The following OGFOD1 variants were observed in gnomAD, a reference collection of about 807,000 sequenced individuals.
OGFOD1 encodes the protein 2-oxoglutarate and iron dependent oxygenase domain containing 1.
A neutral mutation model predicts 67.7 loss-of-function variants in OGFOD1; 54 were observed. The ratio of observed to expected loss-of-function variants is 0.80; its 90% confidence interval spans 0.64 to 1.00. The LOEUF (loss-of-function observed/expected upper bound fraction) is 1.00, where lower values mean the gene tolerates loss of function less well. Ranked by LOEUF, OGFOD1 falls within the 50% of genes least tolerant of loss-of-function variation. The pLI, the probability that OGFOD1 is intolerant of heterozygous loss-of-function variation, is 0.00. For missense variants in OGFOD1, 606 were observed against 646.7 expected, an observed-to-expected ratio of 0.94 and a Z score of 0.68; for synonymous variants, 221 against 227.0, an observed-to-expected ratio of 0.97 and a Z score of 0.24.
chr16:56,451,830 GGGACTCGCGCCCAGCCTT>G, intron 1 of OGFOD1, 64 bp downstream of exon 1: 1 of 1,564,092 alleles, frequency 6.4e-7, no homozygotes. Flanking sequence ...AAAAAGCCCT[GGGACTCGCGCCCAGCCTT>G]GGGCAGCGGG....
At chr16:56,459,130 C>T (rs557061824) in intron 3 of OGFOD1, among the ~76,000 whole-genome samples, 2 of 152,244 alleles carry the variant, frequency 1.3e-5, no homozygotes, top group African/African-American at 4.8e-5. Flanking sequence ...CACCTGAGGT[C>T]AGGAGTTCAA....
At chr16:56,475,373 A>G (rs945244970) in intron 11 of OGFOD1, 134 bp from the exon 12 acceptor site, 2 of 814,894 alleles carry the variant, frequency 2.5e-6, no homozygotes, top group East Asian at 4.9e-5. Context: ...GTTCAAGCTC[A>G]TAAGTCATAG....
chr16:56,475,938 C>T lies in OGFOD1; in HGVS notation c.1468-106C>T, dbSNP rs779723881. On this transcript the variant is annotated intron_variant, in intron 12 of 12. Transcript: ENST00000566157. Reference sequence around the variant, plus strand: ...TGTTCATTCAGAGGACCCCTCTATCCCCAGATTAAGTGCTTGATATGGAAA... The same window carrying T: ...TGTTCATTCAGAGGACCCCTCTATCTCCAGATTAAGTGCTTGATATGGAAA... 8 of 1,039,874 alleles carry T rather than the reference C, an allele frequency of 7.7e-6. 1 individual carries two copies. Among genetic ancestry groups the T allele is most frequent in the Non-Finnish European group, 1.1e-5 (8 of 711,982 alleles). The allele number at this position is 1,039,874 out of a possible 1,614,324, so 64.4% of individuals were successfully genotyped here. A position where few individuals can be genotyped will look rare whatever the true frequency, so the allele number is the denominator to read the frequency against.
chr16:56,462,806 A>C (rs577530321), intron 4 of OGFOD1, among the ~76,000 whole-genome samples, 172 bp downstream of exon 4: 1 of 152,352 alleles, frequency 6.6e-6, no homozygotes, highest in African/African-American at 2.4e-5. Flanking sequence ...ATTGGAAGGC[A>C]TAAGCAGTGG....
chr16:56,467,108 A>C, intron 6 of OGFOD1, 57 bp from the exon 7 acceptor site: 1 of 1,610,952 alleles, frequency 6.2e-7, no homozygotes, highest in Non-Finnish European at 8.5e-7. Context: ...ATTAATGTGC[A>C]TTGGCGGTAA....
intron 11 of OGFOD1, among the ~76,000 whole-genome samples, 179 bp downstream of exon 11, chr16:56,475,129 T>C (rs540059482): frequency 1.8e-4 from 27 of 152,282 alleles, no homozygotes; most frequent in Admixed American, 1.3e-4. Context: ...CAGCTCAAAA[T>C]AGGATTTATA....
intron 3 of OGFOD1, among the ~76,000 whole-genome samples, chr16:56,462,185 G>T (rs1962733760): frequency 6.6e-6 from 1 of 152,096 alleles, no homozygotes; most frequent in African/African-American, 2.4e-5. Context: ...ACTTGGACTA[G>T]ACCACTGGTG....
chr16:56,470,693 C>T lies in OGFOD1; in HGVS notation c.1187C>T (p.Pro396Leu), dbSNP rs1398497496. 2.5e-6 allele frequency: 4 copies of T among 1,614,000 alleles called. No individual in the cohort carries two copies. In the African/African-American group the frequency reaches 5.3e-5, roughly 22 times the overall value. ...DITEEGTSHS[P>L]PEPENNQMAI... is the part of the protein sequence containing the mutation. ...ACTGAAGAAGGGACTAGCCATAGTC[C>T]TCCTGAGCCAGAGAATAATCAGATG... Residue 396 changes from proline (P) to leucine (L), a missense_variant, in exon 10 of 13, where the codon CCT becomes CTT. Coordinates refer to ENST00000566157, the MANE Select transcript of OGFOD1 (RefSeq NM_018233.4).
At chr16:56,455,284 T>C (rs1384301693) in intron 2 of OGFOD1, among the ~76,000 whole-genome samples, 3 of 152,008 alleles carry the variant, frequency 2.0e-5, no homozygotes, top group Non-Finnish European at 2.9e-5. Context: ...GGAGAATCGC[T>C]TGAACCCAGG....
intron 5 of OGFOD1, among the ~76,000 whole-genome samples, chr16:56,466,566 C>A (rs1251525168): frequency 6.6e-6 from 1 of 152,160 alleles, no homozygotes; most frequent in Non-Finnish European, 1.5e-5. Flanking sequence ...CTGCCTGTGG[C>A]TATGAATCTG....
chr16:56,474,850 A>G lies in OGFOD1; in HGVS notation c.1308A>G (p.Gln436=). 1 of 1,612,896 alleles carries G rather than the reference A, an allele frequency of 6.2e-7. No individual in the cohort carries two copies. Among genetic ancestry groups the G allele is most frequent in the Non-Finnish European group, 8.5e-7 (1 of 1,179,332 alleles). ...TKKESSVPMC[Q]GELRHWKTGH... ...TAGAATCAAGTGTTCCCATGTGCCA[A>G]GGGGAACTGAGGCATTGGAAGACCG... Residue 436 remains glutamine, a synonymous_variant, in exon 11 of 13, where the codon CAA becomes CAG. Coordinates refer to ENST00000566157, the MANE Select transcript of OGFOD1 (RefSeq NM_018233.4).
intron 2 of OGFOD1, among the ~76,000 whole-genome samples, chr16:56,456,818 C>T (rs1282285358): frequency 6.6e-6 from 1 of 152,180 alleles, no homozygotes; most frequent in Non-Finnish European, 1.5e-5. Flanking sequence ...TTAAGTTCTA[C>T]CATCTAGATT....
intron 2 of OGFOD1, among the ~76,000 whole-genome samples, chr16:56,455,991 A>T (rs1249706472): frequency 6.6e-5 from 10 of 152,202 alleles, no homozygotes; most frequent in Admixed American, 6.5e-4. Context: ...AGTTGTCTGC[A>T]CTGTGTCCAG....
Position 56,476,402 on chromosome 16 carries a change from A to AT in OGFOD1, c.*199dup, listed in dbSNP as rs1437420613. On this transcript the variant is annotated 3_prime_UTR_variant, in exon 13 of 13. Coordinates refer to ENST00000566157, the MANE Select transcript of OGFOD1 (RefSeq NM_018233.4). ...CTTGCAGCTAAGTACTTATCTCTTG[A>AT]TTAAAAAAAAAAAGTTGGCTTTTTT... 3 of 355,496 alleles carry AT rather than the reference A, an allele frequency of 8.4e-6. No homozygotes were observed. Among genetic ancestry groups the AT allele is most frequent in the African/African-American group, 5.0e-5 (2 of 39,794 alleles). 22.0% of individuals were successfully genotyped at this position (355,496 alleles called of 1,614,324 possible).
At chr16:56,455,674 C>A (rs1452797996) in intron 2 of OGFOD1, among the ~76,000 whole-genome samples, 1 of 152,146 alleles carries the variant, frequency 6.6e-6, no homozygotes, top group African/African-American at 2.4e-5. Flanking sequence ...CCAACTCTGT[C>A]ATTAGGACTT....
intron 12 of OGFOD1, 21 bp from the exon 13 acceptor site, chr16:56,476,023 C>A: frequency 6.3e-7 from 1 of 1,597,846 alleles, no homozygotes; most frequent in South Asian, 1.1e-5. Flanking sequence ...TCTGATGTGT[C>A]ACTGTATTTG....
rs780007101 is a variant in OGFOD1 at position 56,466,870 on chromosome 16, G to T, written c.566-6G>T. On this transcript the variant is annotated splice_polypyrimidine_tract_variant and splice_region_variant and intron_variant, in intron 5 of 12. Coordinates refer to ENST00000566157, the MANE Select transcript of OGFOD1 (RefSeq NM_018233.4). ...TAATTTATTGATGTGTTCTTTCCTG[G>T]TGCAGAACACTTTCAGCCGAAGCAG... 1.2e-6 allele frequency: 2 copies of T among 1,607,256 alleles called. No homozygotes were observed. Among genetic ancestry groups the T allele is most frequent in the South Asian group, 1.1e-5 (1 of 90,926 alleles).
At chr16:56,475,694 A>T (rs1417834779) in intron 12 of OGFOD1, 129 bp downstream of exon 12, 2 of 743,184 alleles carry the variant, frequency 2.7e-6, no homozygotes, top group African/African-American at 1.8e-5. Flanking sequence ...AATGGTTCTA[A>T]TTTCTAGTAG....
At chr16:56,466,606 G>GT (rs1307547683) in intron 5 of OGFOD1, among the ~76,000 whole-genome samples, 2 of 152,150 alleles carry the variant, frequency 1.3e-5, no homozygotes, top group African/African-American at 2.4e-5. Context: ...CAAAGTCTAG[G>GT]TTTTTTTGAA....
Sources: gnomAD v4.1 joint callset for allele counts (sites outside exome capture counted in the v4.1 genomes callset) on GRCh38, gnomAD v4.1.1 for gene constraint, MANE v1.5 for transcripts, NCBI Gene and HGNC (gene_info 2026-07-23, HGNC 2026-07-21) for gene names.